Variants in ITGAD observed in about 807,000 individuals in gnomAD.
ITGAD encodes the protein integrin subunit alpha D.
Under a neutral mutation model 139.0 loss-of-function variants are expected in ITGAD, and 105 were observed. The ratio of observed to expected loss-of-function variants is 0.76; its 90% CI spans 0.65 to 0.89. ITGAD has a LOEUF of 0.89. Among genes scored for constraint, ITGAD ranks in the 40% least tolerant of loss-of-function variants. The pLI is 0.00. For missense variants in ITGAD, 1,384 were observed against 1,487.3 expected (o/e 0.93, Z 1.14); for synonymous variants, 569 against 598.3 (o/e 0.95, Z 0.71).
At chr16:31,413,985 T>A (rs1354300835) in intron 16 of ITGAD, among the ~76,000 whole-genome samples, 2 of 152,196 alleles carry the variant, frequency 1.3e-5, no homozygotes, top group African/African-American at 2.4e-5. Context: ...GCTTCTTTCT[T>A]AGATTGTGAG....
At chr16:31,406,581 A>T (rs1278364066) in intron 7 of ITGAD, among the ~76,000 whole-genome samples, 2 of 152,192 alleles carry the variant, frequency 1.3e-5, no homozygotes, top group African/African-American at 2.4e-5. Flanking sequence ...TGTGGGGGAT[A>T]TGCTGGAAGG....
chr16:31,400,455 G>A (rs2081375689), intron 5 of ITGAD, among the ~76,000 whole-genome samples: 1 of 152,160 alleles, frequency 6.6e-6, no homozygotes, highest in Admixed American at 6.5e-5. Flanking sequence ...CACAGGATGT[G>A]GCTGCTGGTG....
chr16:31,395,809 G>A (rs2081251264), intron 2 of ITGAD, among the ~76,000 whole-genome samples: 1 of 152,042 alleles, frequency 6.6e-6, no homozygotes, highest in Admixed American at 6.6e-5. Context: ...TGCTGGCAGT[G>A]AGCCCCAGTG....
intron 4 of ITGAD, 55 bp downstream of exon 4, chr16:31,397,721 G>A: frequency 1.3e-6 from 2 of 1,563,824 alleles, no homozygotes; most frequent in Non-Finnish European, 1.7e-6. Flanking sequence ...GGTGTTGTTG[G>A]GGAGGAGGCT....
At chr16:31,395,087 C>G (rs538872759) in intron 2 of ITGAD, among the ~76,000 whole-genome samples, 1 of 152,140 alleles carries the variant, frequency 6.6e-6, no homozygotes, top group Non-Finnish European at 1.5e-5. Context: ...GAGGCTGAGG[C>G]GGGCAGATCA....
intron 20 of ITGAD, among the ~76,000 whole-genome samples, chr16:31,417,328 A>G (rs917439198): frequency 6.6e-6 from 1 of 150,804 alleles, no homozygotes; most frequent in Non-Finnish European, 1.5e-5. Flanking sequence ...CTCCCACCTC[A>G]GCCCTTAAAG....
At chr16:31,408,340 C>T in intron 9 of ITGAD, 85 bp from the exon 10 acceptor site, 1 of 1,179,604 alleles carries the variant, frequency 8.5e-7, no homozygotes, top group South Asian at 1.2e-5. Flanking sequence ...GGAACCCAAG[C>T]CTCAGATCAT....
intron 29 of ITGAD, 181 bp downstream of exon 29, chr16:31,424,758 C>T (rs755534549): frequency 2.2e-4 from 99 of 450,298 alleles, no homozygotes; most frequent in Middle Eastern, 1.2e-3. Flanking sequence ...GCACCATGCC[C>T]GGCTAGTTTT....
Position 31,395,176 on chromosome 16 carries a change from C to T in ITGAD, c.137+835C>T, listed in dbSNP as rs1022154884. Among the ~76,000 whole-genome samples the T allele has an allele frequency of 2.6e-5, 4 of 152,044 alleles. No individual in the cohort carries two copies. The East Asian group carries it at 5.8e-4, about 22-fold the overall frequency. On this transcript the variant is annotated intron_variant, in intron 2 of 29. Transcript: ENST00000389202. Reference sequence around the variant, plus strand: ...TACTAAAAATGCAAAAAAAATTAGCCGGGCATGGTGGCAGGCATCTGTAAT... The same window carrying T: ...TACTAAAAATGCAAAAAAAATTAGCTGGGCATGGTGGCAGGCATCTGTAAT...
chr16:31,417,584 T>C (rs913412951), intron 20 of ITGAD, among the ~76,000 whole-genome samples: 2 of 152,156 alleles, frequency 1.3e-5, no homozygotes, highest in Non-Finnish European at 2.9e-5. Flanking sequence ...TTCTTTACTT[T>C]TCTTCTGCTT....
rs1476920598 is a variant in ITGAD at position 31,416,270 on chromosome 16, A to G, written c.2341A>G (p.Thr781Ala). Residue 781 changes from threonine to alanine, a missense_variant, in exon 19 of 30, where the codon ACC becomes GCC. By Grantham distance (58) the Thr-to-Ala change is moderately conservative. Transcript: ENST00000389202. Reference protein sequence around the residue: ...DGLCEGDLGVTLSFSGLQTLT... With the variant: ...DGLCEGDLGVALSFSGLQTLT... ...CCTCTGTGAAGGGGACCTGGGTGTC[A>G]CCCTCAGCTTCTCAGGGTGAGCTGT... 4.4e-6 allele frequency: 7 copies of G among 1,603,844 alleles called. No homozygotes were observed. Among genetic ancestry groups the G allele is most frequent in the Non-Finnish European group, 6.0e-6 (7 of 1,174,174 alleles).
intron 23 of ITGAD, among the ~76,000 whole-genome samples, chr16:31,422,258 A>G (rs1281079898): frequency 6.6e-6 from 1 of 152,024 alleles, no homozygotes; most frequent in Non-Finnish European, 1.5e-5. Flanking sequence ...CATTTTTACT[A>G]AAACTTTAGA....
chr16:31,407,083 G>C (rs2081557452), intron 7 of ITGAD, among the ~76,000 whole-genome samples: 1 of 152,230 alleles, frequency 6.6e-6, no homozygotes, highest in African/African-American at 2.4e-5. Context: ...GCTGGGCATG[G>C]TGGCTCACGC....
At chr16:31,401,348 T>C (rs2081398823) in intron 5 of ITGAD, among the ~76,000 whole-genome samples, 1 of 152,134 alleles carries the variant, frequency 6.6e-6, no homozygotes, top group African/African-American at 2.4e-5. Flanking sequence ...GAACCAGTCA[T>C]CGGTAAAGGT....
chr16:31,397,914 G>C lies in ITGAD; in HGVS notation c.427+5G>C. ...CAGTCCCCGACGCCACGCCAGGTAG[G>C]TCCCTGGCAGGCCATGGTTCCCTGT... On this transcript the variant is annotated splice_donor_5th_base_variant and intron_variant, in intron 5 of 29. Coordinates refer to ENST00000389202, the MANE Select transcript of ITGAD (RefSeq NM_005353.3). 6.2e-7 allele frequency: 1 copy of C among 1,602,406 alleles called. No homozygotes were observed. Among genetic ancestry groups the C allele is most frequent in the Non-Finnish European group, 8.5e-7 (1 of 1,172,102 alleles).
chr16:31,410,298 G>C (rs539944902), intron 10 of ITGAD, 97 bp from the exon 11 acceptor site: 7 of 1,549,496 alleles, frequency 4.5e-6, no homozygotes, highest in Non-Finnish European at 5.3e-6. Flanking sequence ...GAGAAGAAAA[G>C]CCTGGATGGC....
chr16:31,410,451 G>C lies in ITGAD; in HGVS notation c.1140G>C (p.Leu380=). 2.5e-6 allele frequency: 4 copies of C among 1,613,996 alleles called. No homozygotes were observed. The highest frequency in any genetic ancestry group is 3.4e-6 in the Non-Finnish European group (4 of 1,179,976). ...TTAGCTGGTCTGGAGGTGCCTTCCT[G>C]TATCCCCCAAATATGAGCCCCACCT... ...GSFSWSGGAF[L]YPPNMSPTFI... Residue 380 remains leucine, a synonymous_variant, in exon 11 of 30, where the codon CTG becomes CTC. Transcript: ENST00000389202.
At chr16:31,414,769 G>A (rs1171993885) in intron 17 of ITGAD, 91 bp from the exon 18 acceptor site, 1 of 1,571,464 alleles carries the variant, frequency 6.4e-7, no homozygotes, top group African/African-American at 1.3e-5. Context: ...AGGGAGCACT[G>A]TCAGGGCAGT....
intron 5 of ITGAD, among the ~76,000 whole-genome samples, chr16:31,400,759 A>G (rs1395605635): frequency 6.6e-6 from 1 of 152,072 alleles, no homozygotes; most frequent in Non-Finnish European, 1.5e-5. Context: ...CACCGCCACC[A>G]TGCCGGGCTA....
Sources: gnomAD v4.1 joint callset for allele counts (sites outside exome capture counted in the v4.1 genomes callset) on GRCh38, gnomAD v4.1.1 for gene constraint, MANE v1.5 for transcripts, NCBI Gene and HGNC (gene_info 2026-07-23, HGNC 2026-07-21) for gene names.